FBXO27: variants seen among roughly 807,000 people sequenced by gnomAD.
The protein encoded by FBXO27 is F-box protein 27, also known as F-box only protein 27.
A neutral mutation model predicts 28.3 loss-of-function variants in FBXO27; 28 were observed. That is an observed-to-expected ratio of 0.99 (90% CI 0.73 to 1.36). The LOEUF is 1.36. Among genes scored for constraint, FBXO27 ranks in the 40% most tolerant of loss-of-function variants. The pLI, the probability that FBXO27 is intolerant of heterozygous loss-of-function variation, is 0.00. For missense variants in FBXO27, 388 were observed against 394.1 expected (o/e 0.98, Z 0.13); for synonymous variants, 175 against 167.3 (o/e 1.05, Z -0.36).
At chr19:39,030,924 T>TA in intron 4 of FBXO27, 105 bp downstream of exon 4, 1 of 948,138 alleles carries the variant, frequency 1.1e-6, no homozygotes, top group South Asian at 1.4e-5. Context: ...TCAGATTTTT[T>TA]ATCTGTAAGG....
intron 1 of FBXO27, among the ~76,000 whole-genome samples, chr19:39,018,229 A>AT (rs2072828796): frequency 6.6e-6 from 1 of 152,162 alleles, no homozygotes; most frequent in Admixed American, 6.6e-5. Flanking sequence ...GCATGGTACC[A>AT]TTTGCAGTTG....
intron 2 of FBXO27, among the ~76,000 whole-genome samples, chr19:39,011,827 C>CTTTT: frequency 8.1e-6 from 1 of 123,772 alleles, no homozygotes; most frequent in Non-Finnish European, 1.6e-5. Context: ...ATTTTCTTTT[C>CTTTT]TTTTTTTTTT....
At chr19:39,021,766 G>A (rs187857403), downstream of FBXO27, among the ~76,000 whole-genome samples, 571 of 151,944 alleles carry the variant, frequency 3.8e-3, 4 homozygotes, top group Middle Eastern at 0.017. Flanking sequence ...GGGTTCAAGC[G>A]ATTCTCCTGC....
intron 4 of FBXO27, chr19:39,030,636 C>A: frequency 6.1e-6 from 1 of 164,030 alleles, no homozygotes; most frequent in East Asian, 1.7e-4. Flanking sequence ...TTTTTTTTTC[C>A]AGGACTGAGT....
Position 39,032,223 on chromosome 19 carries a change from C to T in FBXO27, c.5G>A (p.Gly2Asp). M[G>D]ASVSRGRAAR... Reference sequence around the variant, plus strand: ...GGCCCGGCCCCTGGAGACCGAGGCGCCCATGGTCCCCCCGCCAGGCCCGGC... The same window carrying T: ...GGCCCGGCCCCTGGAGACCGAGGCGTCCATGGTCCCCCCGCCAGGCCCGGC... The change falls in exon 2 of 6, where the codon GGC becomes GAC. Residue 2 changes from glycine (G) to aspartate (D), a missense_variant. Gly to Asp is a moderately conservative substitution (Grantham distance 94). Coordinates refer to ENST00000292853, the MANE Select transcript of FBXO27 (RefSeq NM_178820.5). This position sits in a 1 kb window ranked among gnomAD's most constrained non-coding sequence, Gnocchi z 4.7. 1 of 1,437,616 alleles carries T rather than the reference C, an allele frequency of 7.0e-7. No individual in the cohort carries two copies. The highest frequency in any genetic ancestry group is 9.1e-7 in the Non-Finnish European group (1 of 1,103,740). The allele number at this position is 1,437,616 out of a possible 1,614,324, so 89.1% of individuals were successfully genotyped here.
chr19:39,031,395 C>G, intron 2 of FBXO27, 75 bp from the exon 3 acceptor site: 1 of 1,361,080 alleles, frequency 7.3e-7, no homozygotes. Context: ...CCGCCCCTAG[C>G]CCCTCCCACG....
At position 39,026,897 on chromosome 19, in the gene FBXO27, CG is replaced by C; in HGVS notation, c.680del (p.Pro227ArgfsTer45). 6.2e-7 allele frequency: 1 copy of C among 1,614,154 alleles called. No homozygotes were observed. Among genetic ancestry groups the C allele is most frequent in the Non-Finnish European group, 8.5e-7 (1 of 1,180,032 alleles). ...GAAGGCAGGCATTGTTGTTCCACTG[CG>C]GGATGGGATCAGGCACAGCAGAGAA... ...DKFSAVPDPI[P>X]QWNNNACLHV... On this transcript the variant is annotated frameshift_variant, in exon 5 of 6. Coordinates refer to ENST00000292853, the MANE Select transcript of FBXO27 (RefSeq NM_178820.5). LOFTEE classifies it low-confidence loss of function (END_TRUNC).
In FBXO27 at chr19:39,031,024, C is replaced by T. The variant is rs371445191; in HGVS notation, c.572+5G>A. ...GCAAGGGGCTATTTTAATCGTCACA[C>T]TCACCAGTCAGAGACACAAATCTCA... On this transcript the variant is annotated splice_donor_5th_base_variant and intron_variant, in intron 4 of 5. Coordinates refer to ENST00000292853, the MANE Select transcript of FBXO27 (RefSeq NM_178820.5). 1 of 1,613,146 alleles carries T rather than the reference C, an allele frequency of 6.2e-7. No homozygotes were observed. Among genetic ancestry groups the T allele is most frequent in the African/African-American group, 1.3e-5 (1 of 74,994 alleles).
Position 39,010,010 on chromosome 19 carries a change from A to G in FBXO27, c.252+4377T>C, listed in dbSNP as rs370509205. Among the ~76,000 whole-genome samples the G allele has an allele frequency of 6.6e-5, 10 of 151,948 alleles. No homozygotes were observed. The East Asian group carries it at 1.4e-3, about 21-fold the overall frequency. ...TTTTTAGTAGAGGTGGGGTTTCACC[A>G]TGTTGGCCAGACTTGTCTCGAACTC... On this transcript the variant is annotated intron_variant, in intron 2 of 2. Transcript: ENST00000598394.
chr19:39,012,592 A>G (rs2072800903), intron 2 of FBXO27, among the ~76,000 whole-genome samples: 1 of 151,654 alleles, frequency 6.6e-6, no homozygotes, highest in Admixed American at 6.6e-5. Context: ...AGAAACACAC[A>G]TCACATCCAG....
intron 2 of FBXO27, among the ~76,000 whole-genome samples, chr19:39,011,692 GCGGGGGA>G (rs763762695): frequency 1.9e-4 from 27 of 145,348 alleles, no homozygotes; most frequent in Non-Finnish European, 2.7e-4. Context: ...AGAGATGGCG[GCGGGGGA>G]GGGGGGGTCT....
chr19:39,025,336 A>C lies in FBXO27; in HGVS notation c.*75T>G. 6.5e-7 allele frequency: 1 copy of C among 1,533,664 alleles called. No homozygotes were observed. The highest frequency in any genetic ancestry group is 8.8e-7 in the Non-Finnish European group (1 of 1,134,962). On this transcript the variant is annotated 3_prime_UTR_variant, in exon 6 of 6. Transcript: ENST00000292853. ...GGAGGTACAAGTGCTTGGTTGGTTA[A>C]TGAGGGGTCCCAGCCAATGGTCCCA...
chr19:39,026,829 G>A (rs377425344), intron 5 of FBXO27, 41 bp downstream of exon 5: 12 of 1,611,616 alleles, frequency 7.4e-6, no homozygotes, highest in Non-Finnish European at 1.0e-5. Flanking sequence ...GCAGCAATAG[G>A]CCCCCAGCAT....
chr19:39,032,290 C>G lies in FBXO27; in HGVS notation c.-26-37G>C. The G allele has an allele frequency of 7.3e-7, 1 of 1,376,162 alleles. No individual in the cohort carries two copies. Among genetic ancestry groups the G allele is most frequent in the Non-Finnish European group, 9.3e-7 (1 of 1,077,228 alleles). The allele number at this position is 1,376,162 out of a possible 1,614,324, so 85.2% of individuals were successfully genotyped here. On this transcript the variant is annotated intron_variant, in intron 1 of 5. Coordinates refer to ENST00000292853, the MANE Select transcript of FBXO27 (RefSeq NM_178820.5). The surrounding 1 kb of genome is among the most constrained non-coding windows in gnomAD (Gnocchi z 4.7). ...GAAGGGTCAAGGCGTCAGGGACCAG[C>G]AGCCTCCGCGGCGCGCAGCCTCTGC... is the stretch of plus-strand genomic sequence containing the variant.
At chr19:39,026,599 GA>G (rs1285502896) in intron 5 of FBXO27, among the ~76,000 whole-genome samples, 3 of 152,056 alleles carry the variant, frequency 2.0e-5, no homozygotes, top group Admixed American at 6.6e-5. Flanking sequence ...TCAGCTTCCC[GA>G]GTAGCTGGGA....
chr19:39,026,630 C>T (rs57401831), intron 5 of FBXO27, among the ~76,000 whole-genome samples: 28,047 of 152,022 alleles, frequency 0.18, 3,418 homozygotes, highest in South Asian at 0.39. Flanking sequence ...TGTGCCACCA[C>T]GCCCAGCTAA....
downstream of FBXO27, among the ~76,000 whole-genome samples, chr19:39,020,202 G>A (rs1410671600): frequency 6.6e-6 from 1 of 152,116 alleles, no homozygotes; most frequent in Non-Finnish European, 1.5e-5. Context: ...TCAGATTTAT[G>A]ATGAGGCTGC....
At chr19:39,019,094 A>C (rs2072832927), downstream of FBXO27, among the ~76,000 whole-genome samples, 1 of 146,730 alleles carries the variant, frequency 6.8e-6, no homozygotes, top group Non-Finnish European at 1.5e-5. Context: ...AGAAAGAAAG[A>C]AAATGCAGTT....
chr19:39,028,236 C>T (rs1203987855), intron 4 of FBXO27, among the ~76,000 whole-genome samples: 1 of 151,674 alleles, frequency 6.6e-6, no homozygotes, highest in Non-Finnish European at 1.5e-5. Context: ...GTCTCAAAAA[C>T]AAAAAACAAA....
Sources: allele counts gnomAD v4.1 joint callset (sites outside exome capture counted in the v4.1 genomes callset), GRCh38; gene constraint gnomAD v4.1.1; non-coding constraint Gnocchi (gnomAD v3.1); transcripts MANE v1.5; gene names NCBI Gene and HGNC (gene_info 2026-07-23, HGNC 2026-07-21).